Variants in FHAD1 observed in about 807,000 individuals in gnomAD.
FHAD1 encodes forkhead-associated domain-containing protein 1.
A neutral mutation model predicts 191.3 loss-of-function variants in FHAD1; 146 were observed. The observed-to-expected ratio is 0.76, with a 90% confidence interval of 0.67 to 0.88. The LOEUF is 0.88. Among genes scored for constraint, FHAD1 ranks in the 40% least tolerant of loss-of-function variants. FHAD1 has a pLI of 0.00. For missense variants in FHAD1, 1,635 were observed against 1,785.8 expected (o/e 0.92, Z 1.52); for synonymous variants, 616 against 672.3 (o/e 0.92, Z 1.29).
intron 21 of FHAD1, among the ~76,000 whole-genome samples, chr1:15,359,972 G>A (rs987899045): frequency 6.6e-6 from 1 of 151,936 alleles, no homozygotes; most frequent in Non-Finnish European, 1.5e-5. Context: ...AATTAGCTGA[G>A]TGTGTTGGCG....
At chr1:15,239,989 A>G (rs1645173586) in intron 1 of FHAD1, among the ~76,000 whole-genome samples, 2 of 152,230 alleles carry the variant, frequency 1.3e-5, no homozygotes, top group Non-Finnish European at 2.9e-5. Flanking sequence ...AGTGGCGCCC[A>G]ATTACCTCTG....
intron 14 of FHAD1, among the ~76,000 whole-genome samples, chr1:15,337,940 G>A (rs923075951): frequency 1.3e-5 from 2 of 152,084 alleles, no homozygotes; most frequent in African/African-American, 4.8e-5. Flanking sequence ...ATAAATTGGG[G>A]ACCCACTGGG....
chr1:15,365,846 C>T lies in FHAD1; in HGVS notation c.3067C>T (p.Gln1023Ter), dbSNP rs1696257818. ...TTTCAGAGATGACTTATTGGCTGCT[C>T]AGAAGGAAATTCTGTCTCAGCAGGA... is the stretch of plus-strand genomic sequence containing the variant. ...EHLIDDLLAAQKEILSQQEVI... is the reference protein window; with the variant it reads ...EHLIDDLLAA The change falls in exon 24 of 34, where the codon CAG (glutamine) becomes TAG (stop). Residue 1023 changes from glutamine to a stop codon, truncating the protein, a stop_gained. Coordinates refer to ENST00000688493, the MANE Select transcript of FHAD1 (RefSeq NM_001391957.1). LOFTEE classifies it high-confidence loss of function. 1.9e-6 allele frequency: 3 copies of T among 1,551,078 alleles called. No individual in the cohort carries two copies. Among genetic ancestry groups the T allele is most frequent in the Non-Finnish European group, 2.6e-6 (3 of 1,146,526 alleles).
chr1:15,363,630 A>AAT, intron 23 of FHAD1: 2 of 382,136 alleles, frequency 5.2e-6, no homozygotes, highest in South Asian at 3.9e-5. Context: ...CAGAGATTTC[A>AAT]AACAGTGGAG....
At chr1:15,368,645 A>G (rs1697215156) in intron 25 of FHAD1, among the ~76,000 whole-genome samples, 1 of 152,202 alleles carries the variant, frequency 6.6e-6, no homozygotes, top group African/African-American at 2.4e-5. Flanking sequence ...CCTGGTTTCA[A>G]AGCCAGACCC....
At chr1:15,297,804 CTTGT>C (rs770105109) in intron 5 of FHAD1, among the ~76,000 whole-genome samples, 133 of 151,940 alleles carry the variant, frequency 8.8e-4, no homozygotes, top group Non-Finnish European at 1.5e-3. Flanking sequence ...AGTTTTTTTG[CTTGT>C]TTGTTATTTT....
intron 3 of FHAD1, among the ~76,000 whole-genome samples, chr1:15,281,085 G>A (rs186417513): frequency 2.3e-4 from 35 of 152,340 alleles, no homozygotes; most frequent in Non-Finnish European, 2.8e-4. Context: ...TTTTCTTGGA[G>A]ACTTAGAATT....
At chr1:15,352,823 G>T in intron 19 of FHAD1, 54 bp from the exon 20 acceptor site, 1 of 1,336,042 alleles carries the variant, frequency 7.5e-7, no homozygotes, top group Non-Finnish European at 1.0e-6. Context: ...TCCCTTTCCA[G>T]TGTCATTTCC....
rs1180958862 is a variant in FHAD1, at chr1:15,345,447, A to G, written c.2270A>G (p.Asn757Ser). 2 of 1,552,256 alleles carry G rather than the reference A, an allele frequency of 1.3e-6. No homozygotes were observed. The highest frequency in any genetic ancestry group is 1.4e-5 in the African/African-American group (1 of 73,058). Residue 757 changes from asparagine (N) to serine (S), a missense_variant, in exon 18 of 34, where the codon AAC becomes AGC. Physicochemically the swap from Asn to Ser is conservative, Grantham distance 46. Transcript: ENST00000688493. ...ALAKSITQEKNRVKEALEEEQ... is the reference protein window; with the variant it reads ...ALAKSITQEKSRVKEALEEEQ... ...GCGAAAAGCATTACCCAGGAGAAGA[A>G]CAGAGTGAAGGAAGCATTAGAGGAA...
chr1:15,336,786 A>G (rs1684302125), intron 14 of FHAD1, among the ~76,000 whole-genome samples: 1 of 151,858 alleles, frequency 6.6e-6, no homozygotes, highest in Non-Finnish European at 1.5e-5. Flanking sequence ...AGCACTGACT[A>G]GGCCACCACC....
chr1:15,313,280 C>T (rs1174943418), intron 8 of FHAD1, 93 bp downstream of exon 8: 6 of 1,231,910 alleles, frequency 4.9e-6, no homozygotes, highest in Non-Finnish European at 6.3e-6. Flanking sequence ...CACCCTGGGC[C>T]CTTAGTTTAA....
At chr1:15,374,331 G>A (rs747631264) in intron 26 of FHAD1, among the ~76,000 whole-genome samples, 171 bp from the exon 27 acceptor site, 1 of 152,164 alleles carries the variant, frequency 6.6e-6, no homozygotes, top group Non-Finnish European at 1.5e-5. Context: ...CATGTGACCC[G>A]ATATTTGAGA....
At position 15,341,808 on chromosome 1, in the gene FHAD1, AAGG is replaced by A; in HGVS notation, c.2053_2055del (p.Glu685del). 1 of 1,551,906 alleles carries A rather than the reference AAGG, an allele frequency of 6.4e-7. No individual in the cohort carries two copies. The highest frequency in any genetic ancestry group is 8.7e-7 in the Non-Finnish European group (1 of 1,146,986). On this transcript the variant is annotated inframe_deletion, in exon 16 of 34. Coordinates refer to ENST00000688493, the MANE Select transcript of FHAD1 (RefSeq NM_001391957.1). Reference sequence around the variant, plus strand: ...AAAGCTGCGGGAGCATCTGGCAGAGAAGGAGAAGCTGAACGAGGAGAGGCTAGA... The same window carrying A: ...AAAGCTGCGGGAGCATCTGGCAGAGAAGAAGCTGAACGAGGAGAGGCTAGA...
At chr1:15,383,148 C>G in intron 31 of FHAD1, 1 of 471,792 alleles carries the variant, frequency 2.1e-6, no homozygotes. Flanking sequence ...CCTTGCTTTC[C>G]TCATTAGTAG....
intron 6 of FHAD1, among the ~76,000 whole-genome samples, chr1:15,306,063 T>C (rs1670398788): frequency 6.6e-6 from 1 of 152,202 alleles, no homozygotes; most frequent in Non-Finnish European, 1.5e-5. Flanking sequence ...TGAATGGCTT[T>C]GACAAAAAGC....
intron 33 of FHAD1, among the ~76,000 whole-genome samples, chr1:15,396,714 G>A (rs1302443444): frequency 6.6e-6 from 1 of 151,878 alleles, no homozygotes; most frequent in African/African-American, 2.4e-5. Flanking sequence ...GGAGGCTGAG[G>A]CAGGAGAATC....
chr1:15,317,255 A>G (rs931665968), intron 9 of FHAD1, among the ~76,000 whole-genome samples: 1 of 152,198 alleles, frequency 6.6e-6, no homozygotes, highest in African/African-American at 2.4e-5. Flanking sequence ...AATGAAAATA[A>G]GACCATTAAA....
intron 2 of FHAD1, among the ~76,000 whole-genome samples, chr1:15,266,895 T>C (rs1653775144): frequency 6.6e-6 from 1 of 152,254 alleles, no homozygotes. Context: ...AAAGTTCCTC[T>C]GTATCTTTTT....
At chr1:15,342,673 T>C (rs1160210653) in intron 16 of FHAD1, among the ~76,000 whole-genome samples, 1 of 152,058 alleles carries the variant, frequency 6.6e-6, no homozygotes, top group African/African-American at 2.4e-5. Context: ...GCCCTTTTTT[T>C]TCTTAAGATG....
Sources: allele counts gnomAD v4.1 joint callset (sites outside exome capture counted in the v4.1 genomes callset), GRCh38; gene constraint gnomAD v4.1.1; transcripts MANE v1.5; gene names NCBI Gene and HGNC (gene_info 2026-07-23, HGNC 2026-07-21).